JPH2: variants seen among roughly 807,000 people sequenced by gnomAD.
JPH2 encodes the protein junctophilin-2.
Under a neutral mutation model 55.9 loss-of-function variants are expected in JPH2, and 38 were observed. The ratio of observed to expected loss-of-function variants is 0.68; its 90% CI spans 0.52 to 0.89. The LOEUF (loss-of-function observed/expected upper bound fraction) is 0.89, where lower values mean the gene tolerates loss of function less well. Among genes scored for constraint, JPH2 ranks in the 40% least tolerant of loss-of-function variants. The probability of loss-of-function intolerance (pLI) is 0.00; values close to 1 mark genes in which losing one functional copy is unlikely to be tolerated. For synonymous variants in JPH2, 480 were observed against 472.4 expected (o/e 1.02, Z -0.21); for missense variants, 964 against 1,037.6 (o/e 0.93, Z 0.97).
Position 44,159,505 on chromosome 20 carries a change from G to A in JPH2, c.1169+113C>T. 1 of 1,106,772 alleles carries A rather than the reference G, an allele frequency of 9.0e-7. No individual in the cohort carries two copies. The highest frequency in any genetic ancestry group is 1.4e-5 in the South Asian group (1 of 72,878). The allele number at this position is 1,106,772 out of a possible 1,614,324, so 68.6% of individuals were successfully genotyped here. A position where few individuals can be genotyped will look rare whatever the true frequency, so the allele number is the denominator to read the frequency against. ...CCTCCAATTAACCCCTGAAGGTGAT[G>A]GGGGTAAAAGAAGCAGAATCAGGCT... On this transcript the variant is annotated intron_variant, in intron 2 of 5. Coordinates refer to ENST00000372980, the MANE Select transcript of JPH2 (RefSeq NM_020433.5). This position sits in a 1 kb window ranked among gnomAD's most constrained non-coding sequence, Gnocchi z 5.7.
rs6065703 is a variant in JPH2, at chr20:44,108,308, T to G, written c.*5210A>C. On this transcript the variant is annotated 3_prime_UTR_variant, in exon 6 of 6. Coordinates refer to ENST00000372980, the MANE Select transcript of JPH2 (RefSeq NM_020433.5). ...TTGGCTGGTTCTGATTCGCATTCTT[T>G]GCTTGTAATCAATGTGACTTGAGTA... Among the ~76,000 whole-genome samples, 2 of 151,932 alleles carry G rather than the reference T, an allele frequency of 1.3e-5. No homozygotes were observed. Among genetic ancestry groups the G allele is most frequent in the African/African-American group, 4.8e-5 (2 of 41,362 alleles).
In JPH2 at chr20:44,106,701, C is replaced by T. The variant is rs1274532115; in HGVS notation, c.*6817G>A. On this transcript the variant is annotated 3_prime_UTR_variant, in exon 6 of 6. Transcript: ENST00000372980. The stretch of plus-strand genomic sequence containing the variant: ...TCACATCTTACTAGATGGCAGCAGG[C>T]AAAGAGAGGAACTTGTGCAGAGTAA... 6.6e-6 allele frequency among the ~76,000 whole-genome samples: 1 copy of T among 152,106 alleles called. No homozygotes were observed. The highest frequency in any genetic ancestry group is 1.5e-5 in the Non-Finnish European group (1 of 68,010).
chr20:44,155,381 G>C (rs571198640), intron 2 of JPH2, among the ~76,000 whole-genome samples: 2 of 152,084 alleles, frequency 1.3e-5, no homozygotes, highest in Non-Finnish European at 2.9e-5. Context: ...GGGTGTTCCA[G>C]GACAGTCCGA....
chr20:44,149,936 C>T (rs969033121), intron 2 of JPH2, among the ~76,000 whole-genome samples: 2 of 140,136 alleles, frequency 1.4e-5, no homozygotes, highest in East Asian at 4.0e-4. Context: ...CGAGATCATC[C>T]ACTGCACTCC....
chr20:44,114,912 T>A (rs367729795), intron 4 of JPH2, 36 bp from the exon 5 acceptor site: 10 of 1,531,566 alleles, frequency 6.5e-6, no homozygotes, highest in Non-Finnish European at 8.9e-6. Flanking sequence ...TGAGTCCCCA[T>A]GGCCTCGGAG....
chr20:44,157,135 CTG>C (rs2072571484), intron 2 of JPH2, among the ~76,000 whole-genome samples: 1 of 152,160 alleles, frequency 6.6e-6, no homozygotes, highest in South Asian at 2.1e-4. Flanking sequence ...GTGTCCGACA[CTG>C]TAGTGGTGAC....
At chr20:44,170,907 C>T (rs909487564) in intron 1 of JPH2, among the ~76,000 whole-genome samples, 6 of 152,198 alleles carry the variant, frequency 3.9e-5, no homozygotes, top group East Asian at 3.8e-4. Context: ...TGACGCACTG[C>T]GATACTCCTT....
At chr20:44,143,663 A>G (rs1038111728) in intron 2 of JPH2, among the ~76,000 whole-genome samples, 8 of 151,984 alleles carry the variant, frequency 5.3e-5, no homozygotes, top group Non-Finnish European at 7.4e-5. Context: ...TCCTGGCATC[A>G]CCTACCAGTA....
chr20:44,119,369 T>C (rs991392684), intron 2 of JPH2, among the ~76,000 whole-genome samples: 1 of 152,228 alleles, frequency 6.6e-6, no homozygotes, highest in East Asian at 1.9e-4. Flanking sequence ...CCTATTTCCA[T>C]AATTGAAGAG....
Position 44,158,300 on chromosome 20 carries a change from A to G in JPH2, c.1169+1318T>C, listed in dbSNP as rs575817353. Among the ~76,000 whole-genome samples the G allele has an allele frequency of 2.0e-5, 3 of 152,280 alleles. No individual in the cohort carries two copies. In the East Asian group the frequency reaches 5.8e-4, roughly 29 times the overall value. On this transcript the variant is annotated intron_variant, in intron 2 of 5. Coordinates refer to ENST00000372980, the MANE Select transcript of JPH2 (RefSeq NM_020433.5). ...GTATGAACAAAAGCTCTGTGGCAGGAGGAACTAAAGAAGGAAGAACTAGCA... is the reference window on the plus strand; with the variant it reads ...GTATGAACAAAAGCTCTGTGGCAGGGGGAACTAAAGAAGGAAGAACTAGCA...
intron 2 of JPH2, among the ~76,000 whole-genome samples, chr20:44,130,930 T>A (rs1324819891): frequency 6.6e-6 from 1 of 152,154 alleles, no homozygotes; most frequent in Non-Finnish European, 1.5e-5. Flanking sequence ...GTTAATAGCA[T>A]GGAATCTGAA....
In JPH2 at chr20:44,186,936, G is replaced by A. The variant is rs762808535; in HGVS notation, c.-231C>T. The A allele has an allele frequency of 3.4e-6, 2 of 593,080 alleles. No individual in the cohort carries two copies. The highest frequency in any genetic ancestry group is 6.0e-6 in the Non-Finnish European group (2 of 333,166). 36.7% of individuals were successfully genotyped at this position (593,080 alleles called of 1,614,324 possible). A position where few individuals can be genotyped will look rare whatever the true frequency, so the allele number is the denominator to read the frequency against. ...GGGAGCCCCGACTCCACCAGCCAGA[G>A]CAAGGCTGCCTGCTGGAAAGAAAGC... On this transcript the variant is annotated 5_prime_UTR_variant, in exon 1 of 6. Transcript: ENST00000372980.
At chr20:44,134,898 T>TAA (rs2072396801) in intron 2 of JPH2, among the ~76,000 whole-genome samples, 2 of 36,604 alleles carry the variant, frequency 5.5e-5, no homozygotes, top group Admixed American at 5.1e-4. Flanking sequence ...TAATATATAT[T>TAA]TATATATATA....
chr20:44,169,403 C>T (rs1279948131), intron 1 of JPH2, among the ~76,000 whole-genome samples: 2 of 152,274 alleles, frequency 1.3e-5, no homozygotes, highest in South Asian at 2.1e-4. Flanking sequence ...TAGTCTCGAA[C>T]TCCTGACCTC....
intron 1 of JPH2, among the ~76,000 whole-genome samples, chr20:44,180,790 A>C (rs965202010): frequency 6.6e-6 from 1 of 152,140 alleles, no homozygotes; most frequent in African/African-American, 2.4e-5. Flanking sequence ...ACGTATGTTC[A>C]CATCACGCCT....
chr20:44,156,970 T>A (rs2072570218), intron 2 of JPH2, among the ~76,000 whole-genome samples: 2 of 152,244 alleles, frequency 1.3e-5, no homozygotes, highest in Admixed American at 6.5e-5. Flanking sequence ...AGTTTTTGAA[T>A]CAGAAAGCTA....
chr20:44,124,455 G>A (rs2072261992), intron 2 of JPH2, among the ~76,000 whole-genome samples: 1 of 152,124 alleles, frequency 6.6e-6, no homozygotes, highest in African/African-American at 2.4e-5. Context: ...ACTTTATGGA[G>A]TGCCTACTAT....
At chr20:44,177,078 T>G in intron 1 of JPH2, 2 of 985,514 alleles carry the variant, frequency 2.0e-6, no homozygotes, top group South Asian at 9.4e-5. Context: ...GGCACAGATC[T>G]GTGCCAGGCA....
At chr20:44,132,407 G>T (rs1019611254) in intron 2 of JPH2, among the ~76,000 whole-genome samples, 8 of 89,724 alleles carry the variant, frequency 8.9e-5, no homozygotes, top group African/African-American at 3.4e-4. Flanking sequence ...CACACATTTG[G>T]GCTGGTTATT....
Sources: gnomAD v4.1 joint callset for allele counts (sites outside exome capture counted in the v4.1 genomes callset) on GRCh38, gnomAD v4.1.1 for gene constraint, Gnocchi (gnomAD v3.1) non-coding constraint, MANE v1.5 for transcripts, NCBI Gene and HGNC (gene_info 2026-07-23, HGNC 2026-07-21) for gene names.